The following AKNA variants were observed in gnomAD, a reference collection of about 807,000 sequenced individuals.
The protein encoded by AKNA is microtubule organization protein AKNA.
AKNA carries 67 observed loss-of-function variants against 138.8 expected under a neutral mutation model. The observed-to-expected ratio is 0.48, with a 90% CI of 0.40 to 0.59. AKNA has a LOEUF of 0.59. Among genes scored for constraint, AKNA ranks in the 20% least tolerant of loss-of-function variants. AKNA has a pLI of 0.00. For missense variants in AKNA, 1,813 were observed against 1,880.4 expected, an observed-to-expected ratio of 0.96 and a Z score of 0.66; for synonymous variants, 737 against 754.4, an observed-to-expected ratio of 0.98 and a Z score of 0.38.
At chr9:114,373,260 C>T (rs1243080969) in intron 4 of AKNA, among the ~76,000 whole-genome samples, 1 of 152,160 alleles carries the variant, frequency 6.6e-6, no homozygotes, top group Admixed American at 6.5e-5. Flanking sequence ...GAGGAAGGTG[C>T]AGAATTCACA....
downstream of AKNA, among the ~76,000 whole-genome samples, chr9:114,332,798 G>T (rs2131732357): frequency 6.6e-6 from 1 of 152,336 alleles, no homozygotes; most frequent in Non-Finnish European, 1.5e-5. Flanking sequence ...AGGAGCTGCA[G>T]CATAAGGGCC....
chr9:114,373,395 A>G (rs1001695727), intron 4 of AKNA, among the ~76,000 whole-genome samples: 1 of 152,156 alleles, frequency 6.6e-6, no homozygotes, highest in African/African-American at 2.4e-5. Context: ...AGAAAGGCAA[A>G]GGTGTGATCC....
intron 19 of AKNA, among the ~76,000 whole-genome samples, chr9:114,343,403 G>A (rs1830484736): frequency 6.6e-6 from 1 of 152,276 alleles, no homozygotes; most frequent in Non-Finnish European, 1.5e-5. Flanking sequence ...GAAAGTATGA[G>A]GGGTGAAGGG....
Position 114,336,370 on chromosome 9 carries a change from C to T in AKNA, c.*684G>A, listed in dbSNP as rs1044531. ...TGGCAGGTAGCTGGCCACTGATAAA[C>T]GCCACTGGGATCCTAGGAGAAGCTG... is the stretch of plus-strand genomic sequence containing the variant. On this transcript the variant is annotated 3_prime_UTR_variant, in exon 22 of 22. Transcript: ENST00000374088. 143,222 of 152,656 alleles carry T rather than the reference C, an allele frequency of 0.94. 67,364 individuals carry two copies. Among genetic ancestry groups the T allele is most frequent in the East Asian group, 1 (5,164 of 5,164 alleles). 9.5% of individuals were successfully genotyped at this position (152,656 alleles called of 1,614,324 possible). A position where few individuals can be genotyped will look rare whatever the true frequency, so the allele number is the denominator to read the frequency against.
intron 1 of AKNA, among the ~76,000 whole-genome samples, chr9:114,385,953 T>C (rs2132123732): frequency 6.6e-6 from 1 of 152,256 alleles, no homozygotes; most frequent in Non-Finnish European, 1.5e-5. Flanking sequence ...TTCCTCACTG[T>C]AAAATAGAGA....
In AKNA at chr9:114,377,470, G is replaced by C. The variant is rs749205492; in HGVS notation, c.337C>G (p.Gln113Glu). The C allele has an allele frequency of 1.2e-6, 2 of 1,613,144 alleles. No homozygotes were observed. The highest frequency in any genetic ancestry group is 2.2e-5 in the East Asian group (1 of 44,866). The change falls in exon 3 of 22, where the codon CAG becomes GAG. Residue 113 changes from glutamine to glutamate, a missense_variant. By Grantham distance (29) the Gln-to-Glu change is conservative. Coordinates refer to ENST00000374088, the MANE Select transcript of AKNA (RefSeq NM_001317950.2). Reference sequence around the variant, plus strand: ...GTCATGTCCAGCTGACGGCCCTGCTGGGGGAGCCAGGCAAGAGGCTCATGG... The same window carrying C: ...GTCATGTCCAGCTGACGGCCCTGCTCGGGGAGCCAGGCAAGAGGCTCATGG... ...SSHEPLAWLP[Q>E]QGRQLDMTEE...
chr9:114,390,562 G>C (rs1834294380), upstream of AKNA, among the ~76,000 whole-genome samples: 1 of 152,146 alleles, frequency 6.6e-6, no homozygotes, highest in Non-Finnish European at 1.5e-5. Context: ...GAAAGCTCTA[G>C]GGTCCACTAA....
intron 4 of AKNA, among the ~76,000 whole-genome samples, chr9:114,370,045 C>T (rs1589001235): frequency 6.6e-6 from 1 of 152,198 alleles, no homozygotes; most frequent in African/African-American, 2.4e-5. Context: ...ATCTTAACTG[C>T]CCCCACTGCA....
Position 114,368,467 on chromosome 9 carries a change from G to A in AKNA, c.1545C>T (p.Ala515=), listed in dbSNP as rs774113607. 1.4e-5 allele frequency: 19 copies of A among 1,331,692 alleles called. No individual in the cohort carries two copies. The South Asian group carries it at 2.9e-4, about 20-fold the overall frequency. The allele number at this position is 1,331,692 out of a possible 1,614,324, so 82.5% of individuals were successfully genotyped here. The change falls in exon 5 of 22, where the codon GCC becomes GCT. Residue 515 remains alanine (A), a synonymous_variant. Coordinates refer to ENST00000374088, the MANE Select transcript of AKNA (RefSeq NM_001317950.2). Reference sequence around the variant, plus strand: ...AGGCCGCAGAGGCCTGGGGGTCCTCGGCCGGGCCCGGCCACCACTCTGCAG... The same window carrying A: ...AGGCCGCAGAGGCCTGGGGGTCCTCAGCCGGGCCCGGCCACCACTCTGCAG... ...PRSAEWWPGP[A]EDPQASAASG...
In AKNA at chr9:114,361,801, T is replaced by C. The variant is rs778311944; in HGVS notation, c.2027A>G (p.Asp676Gly). Residue 676 changes from aspartate (D) to glycine (G), a missense_variant, in exon 9 of 22, where the codon GAC becomes GGC. Asp to Gly is a moderately conservative substitution (Grantham distance 94). Coordinates refer to ENST00000374088, the MANE Select transcript of AKNA (RefSeq NM_001317950.2). ...GAGGCAGGGCAGGGCTGGGGTGCTGTCCAGAGCTGAGTCTGACCCGGGCGG... is the reference window on the plus strand; with the variant it reads ...GAGGCAGGGCAGGGCTGGGGTGCTGCCCAGAGCTGAGTCTGACCCGGGCGG... Reference protein sequence around the residue: ...PEPPGSDSALDSTPALPCLHQ... With the variant: ...PEPPGSDSALGSTPALPCLHQ... 1.4e-5 allele frequency: 23 copies of C among 1,613,820 alleles called. No homozygotes were observed. The Admixed American group carries it at 2.7e-4, about 19-fold the overall frequency.
intron 12 of AKNA, 94 bp downstream of exon 12, chr9:114,357,827 G>T: frequency 1.9e-6 from 3 of 1,549,628 alleles, no homozygotes; most frequent in Non-Finnish European, 1.7e-6. Flanking sequence ...ATTCCAAGAA[G>T]GAATAGCACA....
In AKNA at chr9:114,381,655, G is replaced by GTTTTTT. The variant is rs1160552279; in HGVS notation, c.-113-215_-113-210dup. Among the ~76,000 whole-genome samples, 153 of 82,906 alleles carry GTTTTTT rather than the reference G, an allele frequency of 1.8e-3. 8 individuals are homozygous for GTTTTTT. Among genetic ancestry groups the GTTTTTT allele is most frequent in the South Asian group, 2.5e-3 (5 of 1,972 alleles). The allele number at this position is 82,906 out of a possible 152,430, so 54.4% of individuals were successfully genotyped here. On this transcript the variant is annotated intron_variant, in intron 1 of 21. Transcript: ENST00000374088. The stretch of plus-strand genomic sequence containing the variant: ...ATAATAATTCCTCTCTCTCTCCAGG[G>GTTTTTT]TTTTTTTTTTTTTTTTTTTTTTTGA...
intron 12 of AKNA, among the ~76,000 whole-genome samples, 177 bp downstream of exon 12, chr9:114,357,744 T>C (rs910190700): frequency 6.6e-6 from 1 of 151,936 alleles, no homozygotes; most frequent in Non-Finnish European, 1.5e-5. Context: ...AGGGACAGGT[T>C]TGGGGGGTGA....
In AKNA at chr9:114,376,855, G is replaced by C. The variant is rs1267515705; in HGVS notation, c.952C>G (p.Leu318Val). 6.2e-7 allele frequency: 1 copy of C among 1,613,964 alleles called. No homozygotes were observed. The highest frequency in any genetic ancestry group is 8.5e-7 in the Non-Finnish European group (1 of 1,179,954). The change falls in exon 3 of 22, where the codon CTG becomes GTG. Residue 318 changes from leucine to valine, a missense_variant. Leu to Val is a conservative substitution (Grantham distance 32). Transcript: ENST00000374088. ...PSRFIGSISP[L>V]NPQPRPTRQG... ...CGCGTTGGCCTGGGCTGGGGATTCA[G>C]GGGGCTGATGGAGCCAATGAATCGG...
intron 2 of AKNA, among the ~76,000 whole-genome samples, chr9:114,380,187 C>T (rs991664189): frequency 6.6e-6 from 1 of 152,038 alleles, no homozygotes; most frequent in Non-Finnish European, 1.5e-5. Flanking sequence ...ATGGACATAA[C>T]CCCGGGACTA....
chr9:114,356,043 T>C lies in AKNA; in HGVS notation c.2940A>G (p.Arg980=). Residue 980 remains arginine (R), a synonymous_variant, in exon 14 of 22, where the codon AGA becomes AGG. Transcript: ENST00000374088. ...TCCGGGGTGTGCTGGGCTCTGTGGC[T>C]CTTCTGGGAATCAGAGAACCCCTGG... ...PKARGSLIPR[R]ATEPSTPRSQ... The C allele has an allele frequency of 6.2e-7, 1 of 1,614,136 alleles. No homozygotes were observed. The highest frequency in any genetic ancestry group is 8.5e-7 in the Non-Finnish European group (1 of 1,180,024).
chr9:114,351,489 T>C (rs1333037283), intron 14 of AKNA, among the ~76,000 whole-genome samples: 1 of 152,028 alleles, frequency 6.6e-6, no homozygotes, highest in Non-Finnish European at 1.5e-5. Context: ...GACCAAAGGT[T>C]AAAAACCACT....
chr9:114,331,223 C>T (rs1442764009), downstream of AKNA, among the ~76,000 whole-genome samples: 1 of 152,156 alleles, frequency 6.6e-6, no homozygotes, highest in East Asian at 1.9e-4. Context: ...AACTATGTCC[C>T]CCATCACCGC....
rs1326616329 is a variant in AKNA, at chr9:114,335,224, G to A, written c.*1830C>T. The A allele has an allele frequency of 6.9e-6, 1 of 145,614 alleles. No individual in the cohort carries two copies. 9.0% of individuals were successfully genotyped at this position (145,614 alleles called of 1,614,324 possible). A position where few individuals can be genotyped will look rare whatever the true frequency, so the allele number is the denominator to read the frequency against. Reference sequence around the variant, plus strand: ...GAGAAAAAGAATCATGGAGGTAGAGGAAGCAAAAAACACACATAACAAAGA... The same window carrying A: ...GAGAAAAAGAATCATGGAGGTAGAGAAAGCAAAAAACACACATAACAAAGA... On this transcript the variant is annotated 3_prime_UTR_variant, in exon 22 of 22. Coordinates refer to ENST00000374088, the MANE Select transcript of AKNA (RefSeq NM_001317950.2).
Sources: allele counts gnomAD v4.1 joint callset (sites outside exome capture counted in the v4.1 genomes callset), GRCh38; gene constraint gnomAD v4.1.1; transcripts MANE v1.5; gene names NCBI Gene and HGNC (gene_info 2026-07-23, HGNC 2026-07-21).